RLF: variants seen among roughly 807,000 people sequenced by gnomAD.
RLF encodes RLF zinc finger, also known as zinc finger protein Rlf.
In RLF, 7 loss-of-function variants were observed where a neutral mutation model predicts 162.9. The observed-to-expected ratio is 0.04, with a 90% confidence interval of 0.02 to 0.08. The LOEUF (loss-of-function observed/expected upper bound fraction) is 0.08. RLF is among the 10% of genes least tolerant of loss of function. The pLI, the probability that RLF is intolerant of heterozygous loss-of-function variation, is 1.00. For synonymous variants in RLF, 782 were observed against 791.5 expected (o/e 0.99, Z 0.20); for missense variants, 1,664 against 2,244.7 (o/e 0.74, Z 5.23).
chr1:40,232,510 C>G (rs1427352710), intron 7 of RLF, among the ~76,000 whole-genome samples: 1 of 152,120 alleles, frequency 6.6e-6, no homozygotes, highest in African/African-American at 2.4e-5. Flanking sequence ...TGTGGAAAAT[C>G]CACTTCAAAG....
intron 1 of RLF, among the ~76,000 whole-genome samples, chr1:40,173,779 T>A (rs1226345654): frequency 6.6e-6 from 1 of 152,182 alleles, no homozygotes; most frequent in African/African-American, 2.4e-5. Flanking sequence ...CCTTCCGAAG[T>A]GCTGGGATTA....
intron 5 of RLF, among the ~76,000 whole-genome samples, chr1:40,204,032 C>G (rs1194627647): frequency 6.8e-6 from 1 of 147,548 alleles, no homozygotes; most frequent in Non-Finnish European, 1.5e-5. Flanking sequence ...GAGGTCCTCT[C>G]TCTTTTTTTT....
chr1:40,178,067 T>G (rs1642351706), intron 1 of RLF: 1 of 151,270 alleles, frequency 6.6e-6, no homozygotes, highest in Non-Finnish European at 1.5e-5. Flanking sequence ...CATATATATA[T>G]ATAGATAGGT....
chr1:40,219,742 G>A lies in RLF; in HGVS notation c.811-2832G>A, dbSNP rs150328038. Among the ~76,000 whole-genome samples, 728 of 152,260 alleles carry A rather than the reference G, an allele frequency of 4.8e-3. 6 individuals carry two copies. The highest frequency in any genetic ancestry group is 0.016 in the African/African-American group (675 of 41,556). On this transcript the variant is annotated intron_variant, in intron 5 of 7. Coordinates refer to ENST00000372771, the MANE Select transcript of RLF (RefSeq NM_012421.4). ...AGAAATTTAATTATCAGGCATATTCGTGTATTTTAAAATGCCAGGTAAACA... is the reference window on the plus strand; with the variant it reads ...AGAAATTTAATTATCAGGCATATTCATGTATTTTAAAATGCCAGGTAAACA...
chr1:40,231,729 G>A, intron 7 of RLF, 71 bp downstream of exon 7: 1 of 1,378,270 alleles, frequency 7.3e-7, no homozygotes, highest in East Asian at 2.3e-5. Context: ...AACTTCTCAG[G>A]AAATTCCCTT....
intron 3 of RLF, among the ~76,000 whole-genome samples, chr1:40,195,004 T>G (rs1211752221): frequency 6.6e-6 from 1 of 151,588 alleles, no homozygotes; most frequent in Non-Finnish European, 1.5e-5. Flanking sequence ...CGGCTAATTT[T>G]TTGTATTTTT....
At chr1:40,217,864 C>T (rs12129606) in intron 5 of RLF, among the ~76,000 whole-genome samples, 2,174 of 152,268 alleles carry the variant, frequency 0.014, 26 homozygotes, top group Non-Finnish European at 0.024. Flanking sequence ...AGCATAGTAT[C>T]ACCTTTCTTT....
chr1:40,195,062 T>C (rs1642614188), intron 3 of RLF, among the ~76,000 whole-genome samples: 1 of 150,790 alleles, frequency 6.6e-6, no homozygotes, highest in Admixed American at 6.6e-5. Context: ...CTTGAACTCC[T>C]GACCTCAGAT....
In RLF at chr1:40,239,464, CTTG is replaced by C. The variant is rs751470736; in HGVS notation, c.4768_4770del (p.Val1590del). 1.4e-5 allele frequency: 22 copies of C among 1,613,878 alleles called. No individual in the cohort carries two copies. Among genetic ancestry groups the C allele is most frequent in the Middle Eastern group, 1.6e-4 (1 of 6,084 alleles). ...CTATTTAGAGCAACAGATGGAGAAT[CTTG>C]TTGTTTGCGTTAAGTACGGTACCAA... is the stretch of plus-strand genomic sequence containing the variant. On this transcript the variant is annotated inframe_deletion, in exon 8 of 8. Transcript: ENST00000372771.
Position 40,189,172 on chromosome 1 carries a change from T to C in RLF, c.355T>C (p.Cys119Arg). Reference protein sequence around the residue: ...ASARPYLTTECEDVLLVLGRL... With the variant: ...ASARPYLTTEREDVLLVLGRL... Reference sequence around the variant, plus strand: ...TGCACGTCCATACTTAACTACTGAATGTGAAGATGTCCTCTTAGTGCTTGG... The same window carrying C: ...TGCACGTCCATACTTAACTACTGAACGTGAAGATGTCCTCTTAGTGCTTGG... Residue 119 changes from cysteine (C) to arginine (R), a missense_variant, in exon 2 of 8, where the codon TGT becomes CGT. Physicochemically the swap from Cys to Arg is radical, Grantham distance 180 (BLOSUM62 -3). Transcript: ENST00000372771. The C allele has an allele frequency of 6.2e-7, 1 of 1,613,958 alleles. No individual in the cohort carries two copies.
intron 5 of RLF, among the ~76,000 whole-genome samples, chr1:40,222,020 G>T (rs1264204344): frequency 1.3e-5 from 2 of 151,424 alleles, no homozygotes; most frequent in Admixed American, 6.6e-5. Context: ...TAAATGAAAA[G>T]ATATATTTCT....
rs897790055 is a variant in RLF at position 40,183,123 on chromosome 1, GTCC to G, written c.238-5927_238-5925del. 3.3e-5 allele frequency among the ~76,000 whole-genome samples: 5 copies of G among 152,092 alleles called. No homozygotes were observed. The South Asian group carries it at 1.0e-3, about 32-fold the overall frequency. ...ACTTTTTTCAAGTTCTTTCTTTGGAGTCCTCCTGTTCCCCTCACTTTTGCTCGT... is the reference window on the plus strand; with the variant it reads ...ACTTTTTTCAAGTTCTTTCTTTGGAGTCCTGTTCCCCTCACTTTTGCTCGT... On this transcript the variant is annotated intron_variant, in intron 1 of 7. Transcript: ENST00000372771.
At chr1:40,165,584 G>C (rs1642153452) in intron 1 of RLF, among the ~76,000 whole-genome samples, 1 of 151,876 alleles carries the variant, frequency 6.6e-6, no homozygotes, top group Non-Finnish European at 1.5e-5. Flanking sequence ...TTTTTTTGGG[G>C]GGACACTGTA....
chr1:40,225,032 C>A (rs1449814126), intron 6 of RLF, among the ~76,000 whole-genome samples: 1 of 151,912 alleles, frequency 6.6e-6, no homozygotes, highest in Non-Finnish European at 1.5e-5. Context: ...CACAGGAATT[C>A]TGTTCATATG....
chr1:40,162,192 T>TTA (rs1455130494), intron 1 of RLF, among the ~76,000 whole-genome samples: 1 of 151,976 alleles, frequency 6.6e-6, no homozygotes, highest in African/African-American at 2.4e-5. Flanking sequence ...TGCTTTTTTT[T>TTA]TTTTTACGTT....
intron 5 of RLF, among the ~76,000 whole-genome samples, chr1:40,207,499 G>C (rs2124545638): frequency 1.3e-5 from 2 of 152,268 alleles, no homozygotes; most frequent in Middle Eastern, 6.8e-3. Context: ...TTCTGTATAG[G>C]TTGATTGCAT....
rs1642523673 is a variant in RLF at position 40,189,127 on chromosome 1, G to A, written c.310G>A (p.Ala104Thr). The change falls in exon 2 of 8, where the codon GCC becomes ACC. Residue 104 changes from alanine to threonine, a missense_variant. Coordinates refer to ENST00000372771, the MANE Select transcript of RLF (RefSeq NM_012421.4). ...GTATCTTCTGGAGGTATATCGACTT[G>A]CCATCCAAAGCTTTGCCAGTGCACG... is the stretch of plus-strand genomic sequence containing the variant. Reference protein sequence around the residue: ...IVYLLEVYRLAIQSFASARPY... With the variant: ...IVYLLEVYRLTIQSFASARPY... 1 of 1,613,664 alleles carries A rather than the reference G, an allele frequency of 6.2e-7. No homozygotes were observed. Among genetic ancestry groups the A allele is most frequent in the Non-Finnish European group, 8.5e-7 (1 of 1,179,620 alleles).
In RLF at chr1:40,236,993, A is replaced by G; in HGVS notation, c.2291A>G (p.Gln764Arg). ...GSVNELLNHK[Q>R]KHDDLRYKCE... The stretch of plus-strand genomic sequence containing the variant: ...GTAAATGAACTACTTAACCATAAAC[A>G]AAAGCATGACGATCTGCGTTACAAA... The change falls in exon 8 of 8, where the codon CAA (glutamine) becomes CGA (arginine). Residue 764 changes from glutamine to arginine, a missense_variant. Transcript: ENST00000372771. This position sits in a 1 kb window ranked among gnomAD's most constrained non-coding sequence, Gnocchi z 7.7. 1 of 1,614,196 alleles carries G rather than the reference A, an allele frequency of 6.2e-7. No homozygotes were observed. The highest frequency in any genetic ancestry group is 8.5e-7 in the Non-Finnish European group (1 of 1,180,016).
chr1:40,173,798 A>T (rs1288870220), intron 1 of RLF, among the ~76,000 whole-genome samples: 1 of 152,074 alleles, frequency 6.6e-6, no homozygotes, highest in African/African-American at 2.4e-5. Context: ...TATAGCCGTG[A>T]GCCACCGTGC....
Sources: allele counts gnomAD v4.1 joint callset (sites outside exome capture counted in the v4.1 genomes callset), GRCh38; gene constraint gnomAD v4.1.1; non-coding constraint Gnocchi (gnomAD v3.1); transcripts MANE v1.5; gene names NCBI Gene and HGNC (gene_info 2026-07-23, HGNC 2026-07-21).